Variants in GSDMD observed in about 807,000 individuals in gnomAD.
GSDMD encodes the protein gasdermin-D.
Under a neutral mutation model 46.7 loss-of-function variants are expected in GSDMD, and 46 were observed. That is an observed-to-expected ratio of 0.99 (90% confidence interval 0.78 to 1.26). GSDMD has a LOEUF of 1.26. Among genes scored for constraint, GSDMD ranks in the 50% most tolerant of loss-of-function variants. The probability of loss-of-function intolerance (pLI) is 0.00; values close to 1 mark genes in which losing one functional copy is unlikely to be tolerated. For missense variants in GSDMD, 649 were observed against 638.8 expected (o/e 1.02, Z -0.17); for synonymous variants, 307 against 283.1 (o/e 1.08, Z -0.85).
In GSDMD at chr8:143,560,768, G is replaced by A; in HGVS notation, c.576G>A (p.Leu192=). The change falls in exon 4 of 11, where the codon TTG becomes TTA. Residue 192 remains leucine (L), a synonymous_variant. Coordinates refer to ENST00000262580, the MANE Select transcript of GSDMD (RefSeq NM_024736.7). ...GRFSLPGATC[L]QGEGQGHLSQ... is the part of the protein sequence containing the mutation. ...TTTCCCTGCCCGGAGCCACGTGCTT[G>A]CAGGTGTGTAGCCAGCCCCGGGCCA... 6.5e-7 allele frequency: 1 copy of A among 1,542,802 alleles called. No individual in the cohort carries two copies. The highest frequency in any genetic ancestry group is 8.7e-7 in the Non-Finnish European group (1 of 1,143,156).
intron 6 of GSDMD, 70 bp downstream of exon 6, chr8:143,561,493 TCTC>T (rs1277546979): frequency 8.2e-6 from 12 of 1,459,822 alleles, no homozygotes; most frequent in Non-Finnish European, 9.4e-6. Flanking sequence ...GTTGAGGCCT[TCTC>T]CTCATGTTCT....
chr8:143,558,203 T>C, upstream of GSDMD: 1 of 915,896 alleles, frequency 1.1e-6, no homozygotes, highest in South Asian at 1.8e-5. Flanking sequence ...GCTACCAGGA[T>C]GGGGCGCCAA....
chr8:143,556,222 G>C (rs1015648367), upstream of GSDMD, among the ~76,000 whole-genome samples: 1 of 151,762 alleles, frequency 6.6e-6, no homozygotes, highest in African/African-American at 2.4e-5. Context: ...CTCACACACA[G>C]ACACAAAATT....
upstream of GSDMD, among the ~76,000 whole-genome samples, chr8:143,554,378 GCA>G (rs1823262252): frequency 6.6e-6 from 1 of 152,024 alleles, no homozygotes; most frequent in African/African-American, 2.4e-5. Context: ...GCATGCACCC[GCA>G]CACAGACACG....
chr8:143,562,306 C>T lies in GSDMD; in HGVS notation c.1094C>T (p.Pro365Leu), dbSNP rs747932108. 8.6e-5 allele frequency: 131 copies of T among 1,530,726 alleles called. No homozygotes were observed. The highest frequency in any genetic ancestry group is 1.0e-4 in the Non-Finnish European group (119 of 1,137,856). The allele number at this position is 1,530,726 out of a possible 1,614,324, so 94.8% of individuals were successfully genotyped here. ...CLVLSSGMLV[P>L]ELAIPVVYLL... ...GTGTTGTCCTCCGGAATGCTGGTGC[C>T]GGAACTCGCTATCCCTGTTGTCTAC... The change falls in exon 9 of 11, where the codon CCG becomes CTG. Residue 365 changes from proline (P) to leucine (L), a missense_variant. Coordinates refer to ENST00000262580, the MANE Select transcript of GSDMD (RefSeq NM_024736.7).
At chr8:143,560,806 C>A (rs548203699) in intron 4 of GSDMD, 35 bp downstream of exon 4, 26 of 1,485,480 alleles carry the variant, frequency 1.8e-5, no homozygotes, top group South Asian at 5.4e-5. Context: ...CCTGGCCCCC[C>A]ACGTGGGCAT....
chr8:143,553,707 G>C (rs1039601729), upstream of GSDMD: 3 of 147,016 alleles, frequency 2.0e-5, no homozygotes, highest in African/African-American at 7.3e-5. Context: ...GATGATTGAA[G>C]AACTGAGTGT....
chr8:143,558,221 T>G (rs1016315513), upstream of GSDMD: 3 of 1,187,306 alleles, frequency 2.5e-6, no homozygotes, highest in African/African-American at 4.8e-5. Context: ...CAAGCCAAGG[T>G]TCCTCCGGAC....
At position 143,562,321 on chromosome 8, in the gene GSDMD, C is replaced by A. The variant is rs1371180946; in HGVS notation, c.1109C>A (p.Pro370His). The A allele has an allele frequency of 3.0e-6, 4 of 1,345,270 alleles. No homozygotes were observed. The highest frequency in any genetic ancestry group is 8.9e-5 in the East Asian group (2 of 22,564). 83.3% of individuals were successfully genotyped at this position (1,345,270 alleles called of 1,614,324 possible). A position where few individuals can be genotyped will look rare whatever the true frequency, so the allele number is the denominator to read the frequency against. Reference protein sequence around the residue: ...SGMLVPELAIPVVYLLGALTM... With the variant: ...SGMLVPELAIHVVYLLGALTM... ...ATGCTGGTGCCGGAACTCGCTATCCCTGTTGTCTACCTGCTGGGGGCACTG... is the reference window on the plus strand; with the variant it reads ...ATGCTGGTGCCGGAACTCGCTATCCATGTTGTCTACCTGCTGGGGGCACTG... The change falls in exon 9 of 11, where the codon CCT (proline) becomes CAT (histidine). Residue 370 changes from proline (P) to histidine (H), a missense_variant. Pro to His is a moderately conservative substitution (Grantham distance 77, BLOSUM62 -2). Transcript: ENST00000262580.
upstream of GSDMD, among the ~76,000 whole-genome samples, chr8:143,554,150 G>C (rs1823257808): frequency 6.6e-6 from 1 of 152,254 alleles, no homozygotes; most frequent in Non-Finnish European, 1.5e-5. Flanking sequence ...GCCCAGATGG[G>C]CTCCCCTTCC....
chr8:143,554,481 C>T (rs994994182), upstream of GSDMD, among the ~76,000 whole-genome samples: 1 of 151,028 alleles, frequency 6.6e-6, no homozygotes, highest in Non-Finnish European at 1.5e-5. Flanking sequence ...GTACACAACA[C>T]GCACGTGCAT....
At chr8:143,554,604 G>A (rs796715420), upstream of GSDMD, among the ~76,000 whole-genome samples, 15 of 143,386 alleles carry the variant, frequency 1.0e-4, no homozygotes, top group African/African-American at 3.4e-4. Flanking sequence ...CGCGCACAAC[G>A]CGCACACAAC....
rs764469973 is a variant in GSDMD at position 143,562,550 on chromosome 8, G to A, written c.1212+29G>A. The stretch of plus-strand genomic sequence containing the variant: ...AGAGGGTTGGGTTCGGGCTGCAGGA[G>A]GATGGGCTGAGCCAGTGGAAGGGGC... On this transcript the variant is annotated intron_variant, in intron 10 of 10. Transcript: ENST00000262580. 19 of 1,602,908 alleles carry A rather than the reference G, an allele frequency of 1.2e-5. 1 individual carries two copies. In the South Asian group the frequency reaches 2.1e-4, roughly 18 times the overall value.
At chr8:143,557,311 T>TGTG (rs1563902537), upstream of GSDMD, among the ~76,000 whole-genome samples, 58 of 142,794 alleles carry the variant, frequency 4.1e-4, no homozygotes, top group African/African-American at 1.6e-3. Flanking sequence ...ATGCTGCCGC[T>TGTG]ATGGCGAAGG....
chr8:143,557,354 T>G (rs62523580), upstream of GSDMD, among the ~76,000 whole-genome samples: 1,537 of 57,630 alleles, frequency 0.027, 78 homozygotes, highest in African/African-American at 0.089. Flanking sequence ...TGCTGCCGCT[T>G]TGGCGAAGGA....
chr8:143,561,299 G>A, intron 5 of GSDMD, 71 bp from the exon 6 acceptor site: 1 of 1,451,716 alleles, frequency 6.9e-7, no homozygotes, highest in South Asian at 1.2e-5. Context: ...GGAGCTCCTA[G>A]TAGGGGAGGG....
chr8:143,558,816 C>T (rs1823375608), intron 1 of GSDMD: 1 of 565,988 alleles, frequency 1.8e-6, no homozygotes, highest in Admixed American at 2.2e-5. Context: ...CCTATCCCAG[C>T]GGAGGCCCGC....
chr8:143,558,570 C>T lies in GSDMD; in HGVS notation c.-5+119C>T, dbSNP rs1485170414. On this transcript the variant is annotated intron_variant, in intron 1 of 10. Coordinates refer to ENST00000262580, the MANE Select transcript of GSDMD (RefSeq NM_024736.7). ...CCCAGCGTTCGCCCAGAAGGCCCCG[C>T]GCCGCACACGGGGGCGGAAGCTCCA... 7 of 1,012,036 alleles carry T rather than the reference C, an allele frequency of 6.9e-6. No individual in the cohort carries two copies. In the Admixed American group the frequency reaches 1.5e-4, roughly 22 times the overall value. The allele number at this position is 1,012,036 out of a possible 1,614,324, so 62.7% of individuals were successfully genotyped here. A position where few individuals can be genotyped will look rare whatever the true frequency, so the allele number is the denominator to read the frequency against.
upstream of GSDMD, chr8:143,556,101 C>T (rs548479441): frequency 7.2e-5 from 11 of 152,302 alleles, 1 homozygote; most frequent in Admixed American, 3.3e-4. Context: ...ATCCAAGATA[C>T]TCGGGAGGGT....
Sources: allele counts gnomAD v4.1 joint callset (sites outside exome capture counted in the v4.1 genomes callset), GRCh38; gene constraint gnomAD v4.1.1; transcripts MANE v1.5; gene names NCBI Gene and HGNC (gene_info 2026-07-23, HGNC 2026-07-21).